Variants in HSPA4L observed in about 807,000 individuals in gnomAD.
The protein encoded by HSPA4L is heat shock 70 kDa protein 4L.
A neutral mutation model predicts 100.3 loss-of-function variants in HSPA4L; 48 were observed. The observed-to-expected ratio is 0.48, with a 90% CI of 0.38 to 0.61. The LOEUF is 0.61. Among genes scored for constraint, HSPA4L ranks in the 20% least tolerant of loss-of-function variants. The pLI is 0.00. For synonymous variants in HSPA4L, 319 were observed against 328.2 expected (o/e 0.97, Z 0.30); for missense variants, 886 against 988.6 (o/e 0.90, Z 1.39).
intron 18 of HSPA4L, among the ~76,000 whole-genome samples, chr4:127,831,943 T>C (rs1734094569): frequency 6.6e-6 from 1 of 151,540 alleles, no homozygotes; most frequent in Non-Finnish European, 1.5e-5. Flanking sequence ...CAATAAGCTA[T>C]AATATATATT....
In HSPA4L at chr4:127,801,109, T is replaced by A. The variant is rs781566901; in HGVS notation, c.430-29T>A. 3 of 1,502,158 alleles carry A rather than the reference T, an allele frequency of 2.0e-6. No homozygotes were observed. The South Asian group carries it at 3.5e-5, about 18-fold the overall frequency. 93.1% of individuals were successfully genotyped at this position (1,502,158 alleles called of 1,614,324 possible). ...TTGACAAAATGTTTACATAAAACAT[T>A]ATACTTAACTGTTGTTTTTAAATAC... On this transcript the variant is annotated intron_variant, in intron 4 of 18. Transcript: ENST00000296464.
At chr4:127,828,758 AGAAG>A (rs1446476067) in intron 17 of HSPA4L, among the ~76,000 whole-genome samples, 2 of 152,150 alleles carry the variant, frequency 1.3e-5, no homozygotes, top group African/African-American at 2.4e-5. Context: ...TGAAAAAGTA[AGAAG>A]GAAGAAACAA....
chr4:127,790,877 C>T (rs1230657573), intron 1 of HSPA4L, among the ~76,000 whole-genome samples: 1 of 152,188 alleles, frequency 6.6e-6, no homozygotes, highest in Admixed American at 6.5e-5. Context: ...GTAATCCCAG[C>T]ACTTTGGGAG....
intron 5 of HSPA4L, 142 bp from the exon 6 acceptor site, chr4:127,801,643 C>A: frequency 1.6e-6 from 1 of 610,726 alleles, no homozygotes; most frequent in Non-Finnish European, 2.6e-6. Context: ...CATTATTAAC[C>A]GAATTGTGAA....
At chr4:127,805,017 C>A (rs980543443) in intron 8 of HSPA4L, 56 bp from the exon 9 acceptor site, 52 of 1,170,600 alleles carry the variant, frequency 4.4e-5, no homozygotes, top group Non-Finnish European at 6.1e-5. Flanking sequence ...CTCGACAAAG[C>A]CTTCTGTTGA....
chr4:127,829,129 A>C (rs145660133), intron 17 of HSPA4L, among the ~76,000 whole-genome samples: 1 of 152,266 alleles, frequency 6.6e-6, no homozygotes, highest in East Asian at 1.9e-4. Flanking sequence ...GGTGATACAC[A>C]TGTTAGGAGA....
At position 127,830,621 on chromosome 4, in the gene HSPA4L, T is replaced by C. The variant is rs76454243; in HGVS notation, c.2167-17T>C. The C allele has an allele frequency of 1.1e-5, 8 of 750,084 alleles. No homozygotes were observed. In the Middle Eastern group the frequency reaches 1.9e-3, roughly 174 times the overall value. The allele number at this position is 750,084 out of a possible 1,614,324, so 46.5% of individuals were successfully genotyped here. A position where few individuals can be genotyped will look rare whatever the true frequency, so the allele number is the denominator to read the frequency against. ...AAAAATCATTAACATGCAGTCAAGCTTTTTTTTTTTAAATAGGATGAAAGA... is the reference window on the plus strand; with the variant it reads ...AAAAATCATTAACATGCAGTCAAGCCTTTTTTTTTTAAATAGGATGAAAGA... On this transcript the variant is annotated splice_polypyrimidine_tract_variant and intron_variant, in intron 17 of 18. Coordinates refer to ENST00000296464, the MANE Select transcript of HSPA4L (RefSeq NM_014278.4).
intron 13 of HSPA4L, among the ~76,000 whole-genome samples, chr4:127,818,817 A>G (rs1733739564): frequency 6.6e-6 from 1 of 151,972 alleles, no homozygotes; most frequent in African/African-American, 2.4e-5. Context: ...AATAATCTGT[A>G]CAACAGACCC....
At chr4:127,812,926 C>T (rs983414087) in intron 12 of HSPA4L, 6 of 826,160 alleles carry the variant, frequency 7.3e-6, no homozygotes, top group African/African-American at 6.8e-5. Flanking sequence ...GTGCTCAATA[C>T]GCACATTAAT....
At chr4:127,827,017 A>C (rs2148799468) in intron 16 of HSPA4L, among the ~76,000 whole-genome samples, 1 of 152,274 alleles carries the variant, frequency 6.6e-6, no homozygotes, top group South Asian at 2.1e-4. Context: ...AGTTCTATAA[A>C]GTTTTAACAC....
intron 18 of HSPA4L, among the ~76,000 whole-genome samples, chr4:127,832,195 G>C (rs755203561): frequency 1.3e-5 from 2 of 152,028 alleles, no homozygotes; most frequent in Non-Finnish European, 2.9e-5. Flanking sequence ...TACTTTCACG[G>C]CACTTTTTCC....
chr4:127,823,894 A>G (rs1411247024), intron 16 of HSPA4L, among the ~76,000 whole-genome samples: 1 of 152,214 alleles, frequency 6.6e-6, no homozygotes, highest in Non-Finnish European at 1.5e-5. Flanking sequence ...TCAAATATAC[A>G]GTATATTGTT....
At chr4:127,815,397 T>C (rs375920754) in intron 12 of HSPA4L, among the ~76,000 whole-genome samples, 71 of 151,934 alleles carry the variant, frequency 4.7e-4, no homozygotes, top group Middle Eastern at 3.4e-3. Flanking sequence ...GAAATTACCA[T>C]ATCAAGCCCC....
chr4:127,808,388 T>G (rs1332332999), intron 11 of HSPA4L, among the ~76,000 whole-genome samples: 3 of 152,216 alleles, frequency 2.0e-5, no homozygotes, highest in African/African-American at 7.2e-5. Flanking sequence ...AACAAGTGTC[T>G]GTACTGAACA....
intron 4 of HSPA4L, among the ~76,000 whole-genome samples, chr4:127,799,420 C>G (rs569453493): frequency 6.6e-6 from 1 of 151,980 alleles, no homozygotes; most frequent in Middle Eastern, 3.4e-3. Context: ...GCATTTTAAC[C>G]CATTTAATCT....
Position 127,795,786 on chromosome 4 carries a change from A to G in HSPA4L, c.184A>G (p.Asn62Asp). 3 of 1,613,626 alleles carry G rather than the reference A, an allele frequency of 1.9e-6. No individual in the cohort carries two copies. Among genetic ancestry groups the G allele is most frequent in the Non-Finnish European group, 2.5e-6 (3 of 1,179,638 alleles). Residue 62 changes from asparagine (N) to aspartate (D), a missense_variant, in exon 3 of 19, where the codon AAT (asparagine) becomes GAT (aspartate). Asn to Asp is a conservative substitution (Grantham distance 23, BLOSUM62 1). Coordinates refer to ENST00000296464, the MANE Select transcript of HSPA4L (RefSeq NM_014278.4). ...AKSQIVTNVRNTIHGFKKLHG... is the reference protein window; with the variant it reads ...AKSQIVTNVRDTIHGFKKLHG... ...CCAACAGATAGTCACGAACGTAAGAAATACAATTCATGGCTTCAAAAAGCT... is the reference window on the plus strand; with the variant it reads ...CCAACAGATAGTCACGAACGTAAGAGATACAATTCATGGCTTCAAAAAGCT...
At chr4:127,784,150 T>C (rs1381057512) in intron 1 of HSPA4L, among the ~76,000 whole-genome samples, 11 of 152,220 alleles carry the variant, frequency 7.2e-5, no homozygotes, top group African/African-American at 2.7e-4. Flanking sequence ...GAAATTCCAC[T>C]CTCCACCTTC....
intron 11 of HSPA4L, chr4:127,809,450 T>C: frequency 9.2e-6 from 11 of 1,200,096 alleles, no homozygotes; most frequent in Non-Finnish European, 1.4e-5. Context: ...TGATTCTTCC[T>C]GTTTTACCTC....
rs1733865767 is a variant in HSPA4L at position 127,823,508 on chromosome 4, T to C, written c.1939-9T>C. The stretch of plus-strand genomic sequence containing the variant: ...ATTTTTAATTAGTGTCTCTCAAATA[T>C]ATTACTAGGACTTGAGTAAACTGTC... On this transcript the variant is annotated splice_polypyrimidine_tract_variant and intron_variant, in intron 15 of 18. Transcript: ENST00000296464. The C allele has an allele frequency of 6.3e-7, 1 of 1,575,990 alleles. No individual in the cohort carries two copies. The highest frequency in any genetic ancestry group is 8.7e-7 in the Non-Finnish European group (1 of 1,146,610).
Sources: gnomAD v4.1 joint callset for allele counts (sites outside exome capture counted in the v4.1 genomes callset) on GRCh38, gnomAD v4.1.1 for gene constraint, MANE v1.5 for transcripts, NCBI Gene and HGNC (gene_info 2026-07-23, HGNC 2026-07-21) for gene names.